Variants in ERI1 observed in about 807,000 individuals in gnomAD.
The protein encoded by ERI1 is exoribonuclease 1.
In ERI1, 39 loss-of-function variants were observed where a neutral mutation model predicts 39.7. The observed-to-expected ratio is 0.98, with a 90% CI of 0.76 to 1.28. The LOEUF is 1.28. Among genes scored for constraint, ERI1 ranks in the 50% most tolerant of loss-of-function variants. The pLI is 0.00. For missense variants in ERI1, 581 were observed against 416.9 expected (o/e 1.39, Z -3.43); for synonymous variants, 204 against 149.6 (o/e 1.36, Z -2.65).
intron 3 of ERI1, among the ~76,000 whole-genome samples, chr8:9,091,971 T>C (rs1388816515): frequency 6.6e-6 from 1 of 152,200 alleles, no homozygotes; most frequent in Non-Finnish European, 1.5e-5. Context: ...GTTGTTGTTG[T>C]TTTGAGACAG....
intron 6 of ERI1, among the ~76,000 whole-genome samples, chr8:9,021,072 C>T (rs1817836724): frequency 6.6e-6 from 1 of 152,148 alleles, no homozygotes; most frequent in African/African-American, 2.4e-5. Flanking sequence ...TTGTCCTTCC[C>T]TTCCTGCATC....
chr8:9,033,993 T>A (rs1797754173), downstream of ERI1, among the ~76,000 whole-genome samples: 1 of 152,232 alleles, frequency 6.6e-6, no homozygotes, highest in Admixed American at 6.5e-5. Flanking sequence ...GCTGTAAGGT[T>A]TTTTCGGAGA....
intron 3 of ERI1, among the ~76,000 whole-genome samples, chr8:9,084,594 C>T (rs1563095870): frequency 6.6e-6 from 1 of 152,190 alleles, no homozygotes; most frequent in Non-Finnish European, 1.5e-5. Context: ...TTGACTAGGA[C>T]TCGGGCTTGG....
chr8:9,005,694 G>C (rs150827511), intron 1 of ERI1, among the ~76,000 whole-genome samples: 1 of 146,306 alleles, frequency 6.8e-6, no homozygotes, highest in East Asian at 2.0e-4. Context: ...TTTTAGTAGA[G>C]ACGGGGTTTC....
At position 9,016,668 on chromosome 8, in the gene ERI1, A is replaced by C. The variant is rs114163159; in HGVS notation, c.582+263A>C. Among the ~76,000 whole-genome samples, 992 of 152,062 alleles carry C rather than the reference A, an allele frequency of 6.5e-3. 12 individuals carry two copies. The highest frequency in any genetic ancestry group is 0.022 in the African/African-American group (933 of 41,474). ...TAAAATGCATCAGCAAATTGTTTCC[A>C]TACTGAACTTGGAGATGTTTGATTT... On this transcript the variant is annotated intron_variant, in intron 4 of 6. Coordinates refer to ENST00000250263, the MANE Select transcript of ERI1 (RefSeq NM_153332.4).
chr8:9,015,738 A>AAAAAAAAAAAAAAAAG (rs1563318556), intron 3 of ERI1, among the ~76,000 whole-genome samples: 2 of 151,128 alleles, frequency 1.3e-5, no homozygotes, highest in African/African-American at 4.9e-5. Context: ...AAAAAAAAAA[A>AAAAAAAAAAAAAAAAG]AAAGAGACCA....
chr8:9,054,867 G>T (rs1324633883), intron 3 of ERI1, among the ~76,000 whole-genome samples: 1 of 152,242 alleles, frequency 6.6e-6, no homozygotes, highest in Admixed American at 6.5e-5. Flanking sequence ...TGTCAAGGCT[G>T]CAGTGGGCAG....
At chr8:9,009,538 C>T (rs11989321) in intron 2 of ERI1, among the ~76,000 whole-genome samples, 1 of 151,986 alleles carries the variant, frequency 6.6e-6, no homozygotes, top group Non-Finnish European at 1.5e-5. Flanking sequence ...TGAGAACATG[C>T]CTTTTATTTT....
intron 3 of ERI1, chr8:9,072,455 TG>T (rs1157469462): frequency 6.6e-6 from 1 of 152,148 alleles, no homozygotes; most frequent in Non-Finnish European, 1.5e-5. Flanking sequence ...TTTTTTACTG[TG>T]GGGTTTTGCA....
chr8:9,066,543 G>T (rs1563368757), intron 3 of ERI1, among the ~76,000 whole-genome samples: 1 of 152,202 alleles, frequency 6.6e-6, no homozygotes, highest in African/African-American at 2.4e-5. Context: ...GTTGGGCACG[G>T]TGAAGGAGGG....
At chr8:9,008,980 A>G (rs1230555208) in intron 2 of ERI1, 5 of 456,132 alleles carry the variant, frequency 1.1e-5, no homozygotes, top group African/African-American at 8.0e-5. Context: ...CTACATCATA[A>G]TGTATGAAGA....
intron 3 of ERI1, among the ~76,000 whole-genome samples, chr8:9,064,206 C>T (rs2812090): frequency 8.5e-5 from 12 of 140,948 alleles, no homozygotes; most frequent in South Asian, 2.3e-4. Flanking sequence ...CCTAGAGAAG[C>T]GATACTTGCC....
intron 3 of ERI1, among the ~76,000 whole-genome samples, chr8:9,065,163 A>G (rs980462463): frequency 6.6e-6 from 1 of 152,224 alleles, no homozygotes; most frequent in African/African-American, 2.4e-5. Flanking sequence ...CACAGGGGAT[A>G]TGATGGCTTA....
rs1253089153 is a variant in ERI1 at position 9,030,826 on chromosome 8, G to C, written c.*792G>C. 6.6e-6 allele frequency: 1 copy of C among 152,070 alleles called. No homozygotes were observed. The highest frequency in any genetic ancestry group is 1.5e-5 in the Non-Finnish European group (1 of 67,982). The allele number at this position is 152,070 out of a possible 1,614,324, so 9.4% of individuals were successfully genotyped here. A position where few individuals can be genotyped will look rare whatever the true frequency, so the allele number is the denominator to read the frequency against. On this transcript the variant is annotated 3_prime_UTR_variant, in exon 7 of 7. Transcript: ENST00000250263. ...GAGGGACCATGCTTTGAAATAGACT[G>C]AAAATTAAGGGTCACCACCTAATTT...
intron 3 of ERI1, among the ~76,000 whole-genome samples, chr8:9,065,143 A>G (rs1487115854): frequency 6.6e-6 from 1 of 152,210 alleles, no homozygotes; most frequent in Non-Finnish European, 1.5e-5. Flanking sequence ...CTGGATGTGT[A>G]CGTGCAGGCC....
chr8:9,005,634 C>T (rs1563304937), intron 1 of ERI1, among the ~76,000 whole-genome samples: 1 of 151,716 alleles, frequency 6.6e-6, no homozygotes, highest in South Asian at 2.1e-4. Context: ...CCTGCCTCAG[C>T]CTCCTGAGTA....
chr8:9,094,399 TCTGCAATTG>T (rs1201711703), intron 3 of ERI1, among the ~76,000 whole-genome samples: 8 of 152,172 alleles, frequency 5.3e-5, no homozygotes, highest in Non-Finnish European at 1.0e-4. Context: ...AATCCCTCTC[TCTGCAATTG>T]CTGCAAGGGC....
chr8:9,022,149 C>T (rs887178740), intron 6 of ERI1, among the ~76,000 whole-genome samples: 8 of 152,080 alleles, frequency 5.3e-5, no homozygotes, highest in African/African-American at 1.9e-4. Context: ...TAAGTTTTTG[C>T]TAGCATCTGA....
chr8:9,037,715 C>G (rs777386010), downstream of ERI1, among the ~76,000 whole-genome samples: 11 of 152,092 alleles, frequency 7.2e-5, no homozygotes, highest in Non-Finnish European at 1.5e-4. Context: ...GGCAGAGTTA[C>G]AGATAGGAGC....
Sources: allele counts gnomAD v4.1 joint callset (sites outside exome capture counted in the v4.1 genomes callset), GRCh38; gene constraint gnomAD v4.1.1; transcripts MANE v1.5; gene names NCBI Gene and HGNC (gene_info 2026-07-23, HGNC 2026-07-21).